Variants in MAN1C1 observed in about 807,000 individuals in gnomAD.
The protein encoded by MAN1C1 is mannosyl-oligosaccharide 1,2-alpha-mannosidase IC.
In MAN1C1, 49 loss-of-function variants were observed where a neutral mutation model predicts 71.5. The ratio of observed to expected loss-of-function variants is 0.69; its 90% CI spans 0.54 to 0.87. MAN1C1 has a LOEUF of 0.87. MAN1C1 is among the 40% of genes least tolerant of loss of function. The pLI, the probability that MAN1C1 is intolerant of heterozygous loss-of-function variation, is 0.00. For missense variants in MAN1C1, 743 were observed against 835.0 expected (o/e 0.89, Z 1.36); for synonymous variants, 352 against 343.7 (o/e 1.02, Z -0.27).
intron 2 of MAN1C1, among the ~76,000 whole-genome samples, chr1:25,693,911 G>A (rs996715808): frequency 6.6e-6 from 1 of 152,212 alleles, no homozygotes; most frequent in African/African-American, 2.4e-5. Context: ...ATTAAAGAAA[G>A]TTGATGGGTG....
intron 6 of MAN1C1, chr1:25,759,417 G>A (rs1378170562): frequency 2.0e-5 from 3 of 152,370 alleles, no homozygotes; most frequent in Non-Finnish European, 4.4e-5. Flanking sequence ...TGCCTGGGGA[G>A]ATGGAAGCCC....
intron 1 of MAN1C1, among the ~76,000 whole-genome samples, chr1:25,666,448 A>T (rs1340232044): frequency 1.3e-5 from 2 of 152,304 alleles, no homozygotes; most frequent in East Asian, 3.9e-4. Flanking sequence ...CATCTTTCTC[A>T]GGTTCACAAA....
chr1:25,758,476 C>T, intron 5 of MAN1C1, 116 bp from the exon 6 acceptor site: 1 of 835,096 alleles, frequency 1.2e-6, no homozygotes, highest in Non-Finnish European at 2.0e-6. Context: ...GGCGAAAGCT[C>T]CTGGTTCCAT....
Position 25,780,884 on chromosome 1 carries a change from C to T in MAN1C1, c.1478-56C>T, listed in dbSNP as rs117723146. On this transcript the variant is annotated intron_variant, in intron 9 of 11. Transcript: ENST00000374332. ...GGCAACTGACATCTCTCCTGGATCC[C>T]GAAAAGCAGGAGGTGGGAGGTCTGA... is the stretch of plus-strand genomic sequence containing the variant. The T allele has an allele frequency of 2.0e-4, 319 of 1,576,812 alleles. 3 individuals are homozygous for T. In the East Asian group the frequency reaches 6.5e-3, roughly 32 times the overall value.
chr1:25,767,832 C>G (rs2047463988), intron 7 of MAN1C1, among the ~76,000 whole-genome samples: 1 of 130,926 alleles, frequency 7.6e-6, no homozygotes, highest in Non-Finnish European at 1.6e-5. Context: ...TCCCCTCACA[C>G]ACACTACACA....
chr1:25,646,884 G>T (rs1224784020), intron 1 of MAN1C1, among the ~76,000 whole-genome samples: 1 of 152,180 alleles, frequency 6.6e-6, no homozygotes, highest in Non-Finnish European at 1.5e-5. Context: ...GGACATTTGT[G>T]TACATGGTTT....
intron 7 of MAN1C1, among the ~76,000 whole-genome samples, chr1:25,766,364 AT>A (rs1253419310): frequency 6.6e-6 from 1 of 151,052 alleles, no homozygotes; most frequent in Non-Finnish European, 1.5e-5. Context: ...TTTTTGGTGC[AT>A]ACGTATTCTT....
chr1:25,618,561 G>A (rs1207822537), intron 1 of MAN1C1, among the ~76,000 whole-genome samples: 1 of 151,696 alleles, frequency 6.6e-6, no homozygotes, highest in South Asian at 2.1e-4. Flanking sequence ...CGTCCCCACC[G>A]TGACAGATGG....
At chr1:25,704,064 C>T (rs1011357269) in intron 2 of MAN1C1, among the ~76,000 whole-genome samples, 5 of 152,166 alleles carry the variant, frequency 3.3e-5, no homozygotes, top group African/African-American at 9.7e-5. Context: ...CCCTTCATCC[C>T]GGCTCCTGTC....
In MAN1C1 at chr1:25,783,902, A is replaced by T. The variant is rs1215988605; in HGVS notation, c.*113A>T. ...AAGGCCCCATCTCGGGCAGACCCCCAGCAGATGTGTCGGACAAGCAACTTC... is the reference window on the plus strand; with the variant it reads ...AAGGCCCCATCTCGGGCAGACCCCCTGCAGATGTGTCGGACAAGCAACTTC... On this transcript the variant is annotated 3_prime_UTR_variant, in exon 12 of 12. Transcript: ENST00000374332. 19 of 1,373,944 alleles carry T rather than the reference A, an allele frequency of 1.4e-5. No individual in the cohort carries two copies. Among genetic ancestry groups the T allele is most frequent in the Non-Finnish European group, 1.7e-5 (17 of 1,025,248 alleles). The allele number at this position is 1,373,944 out of a possible 1,614,324, so 85.1% of individuals were successfully genotyped here.
At chr1:25,718,740 C>T (rs1281479293) in intron 2 of MAN1C1, among the ~76,000 whole-genome samples, 1 of 152,136 alleles carries the variant, frequency 6.6e-6, no homozygotes, top group African/African-American at 2.4e-5. Context: ...TAAGGTTCAT[C>T]CACATTGTAG....
At chr1:25,763,137 G>A (rs1381936862) in intron 6 of MAN1C1, among the ~76,000 whole-genome samples, 5 of 152,206 alleles carry the variant, frequency 3.3e-5, no homozygotes, top group East Asian at 1.9e-4. Flanking sequence ...GTGTGGTGGT[G>A]CATGCCTGTA....
intron 4 of MAN1C1, among the ~76,000 whole-genome samples, chr1:25,752,325 C>T (rs1428566992): frequency 1.3e-5 from 2 of 152,178 alleles, no homozygotes; most frequent in African/African-American, 2.4e-5. Flanking sequence ...CGCTCCTCCA[C>T]CTGGCTATTT....
In MAN1C1 at chr1:25,618,147, C is replaced by A. The variant is rs1293659227; in HGVS notation, c.350C>A (p.Pro117His). 1.3e-6 allele frequency: 2 copies of A among 1,536,874 alleles called. No individual in the cohort carries two copies. The highest frequency in any genetic ancestry group is 1.7e-6 in the Non-Finnish European group (2 of 1,148,258). The change falls in exon 1 of 12, where the codon CCC (proline) becomes CAC (histidine). Residue 117 changes from proline (P) to histidine (H), a missense_variant. By Grantham distance (77) the Pro-to-His change is moderately conservative (BLOSUM62 -2). Transcript: ENST00000374332. ...CTGCGGCGCACCCGCCCCACTGGAC[C>A]CCGCGAGGAGGCCACGGCGGCCCGG... ...GGLRRTRPTG[P>H]REEATAARGN...
chr1:25,680,775 G>A (rs1268445556), intron 1 of MAN1C1, among the ~76,000 whole-genome samples: 1 of 152,174 alleles, frequency 6.6e-6, no homozygotes, highest in Non-Finnish European at 1.5e-5. Context: ...GTGAACATCT[G>A]TATCCAAGTT....
intron 1 of MAN1C1, among the ~76,000 whole-genome samples, chr1:25,665,495 A>G (rs1312972509): frequency 6.6e-6 from 1 of 152,186 alleles, no homozygotes; most frequent in Non-Finnish European, 1.5e-5. Context: ...GCTTCCAAAT[A>G]GTTAGCTGCA....
chr1:25,739,734 G>T (rs1229476043), intron 2 of MAN1C1, among the ~76,000 whole-genome samples: 1 of 152,138 alleles, frequency 6.6e-6, no homozygotes, highest in Non-Finnish European at 1.5e-5. Flanking sequence ...GAGGCTTTGG[G>T]CACATGTTGT....
At chr1:25,765,064 C>G (rs889233860) in intron 7 of MAN1C1, among the ~76,000 whole-genome samples, 1 of 152,048 alleles carries the variant, frequency 6.6e-6, no homozygotes, top group Non-Finnish European at 1.5e-5. Flanking sequence ...AAACAAAAGA[C>G]GTCATGAATT....
intron 1 of MAN1C1, among the ~76,000 whole-genome samples, chr1:25,668,042 G>C (rs576478913): frequency 6.6e-6 from 1 of 152,226 alleles, no homozygotes; most frequent in East Asian, 1.9e-4. Flanking sequence ...GGGGTGAACT[G>C]GTAACCTTAT....
Sources: gnomAD v4.1 joint callset for allele counts (sites outside exome capture counted in the v4.1 genomes callset) on GRCh38, gnomAD v4.1.1 for gene constraint, MANE v1.5 for transcripts, NCBI Gene and HGNC (gene_info 2026-07-23, HGNC 2026-07-21) for gene names.